The following HS6ST3 variants were observed in gnomAD, a reference collection of about 807,000 sequenced individuals.
HS6ST3 encodes the protein heparan sulfate 6-O-sulfotransferase 3.
HS6ST3 carries 12 observed loss-of-function variants against 36.7 expected under a neutral mutation model. The ratio of observed to expected loss-of-function variants is 0.33; its 90% CI spans 0.21 to 0.53. The LOEUF is 0.53. HS6ST3 is among the 20% of genes least tolerant of loss of function. The probability of loss-of-function intolerance (pLI) is 0.95; values close to 1 mark genes in which losing one functional copy is unlikely to be tolerated. For synonymous variants in HS6ST3, 240 were observed against 257.5 expected, an observed-to-expected ratio of 0.93 and a Z score of 0.65; for missense variants, 584 against 640.9, an observed-to-expected ratio of 0.91 and a Z score of 0.96.
At chr13:96,771,174 A>G (rs1877253346) in intron 1 of HS6ST3, among the ~76,000 whole-genome samples, 1 of 151,640 alleles carries the variant, frequency 6.6e-6, no homozygotes, top group Admixed American at 6.6e-5. Context: ...CGCAAGGCCA[A>G]AAAAACCAAC....
intron 1 of HS6ST3, among the ~76,000 whole-genome samples, chr13:96,676,705 A>C (rs2056699939): frequency 6.6e-6 from 1 of 152,070 alleles, no homozygotes; most frequent in African/African-American, 2.4e-5. Context: ...TAATTTTCTA[A>C]ATTATTTATG....
chr13:96,427,926 A>C (rs774175851), intron 1 of HS6ST3, among the ~76,000 whole-genome samples: 2 of 152,196 alleles, frequency 1.3e-5, no homozygotes, highest in African/African-American at 2.4e-5. Context: ...ATGCCTACTC[A>C]TGGACAGATT....
At chr13:96,373,336 G>A (rs1012010954) in intron 1 of HS6ST3, among the ~76,000 whole-genome samples, 1 of 152,154 alleles carries the variant, frequency 6.6e-6, no homozygotes, top group Admixed American at 6.5e-5. Flanking sequence ...CTATCTTCCT[G>A]AAATTGAAGT....
rs115633268 is a variant in HS6ST3, at chr13:96,587,867, A to T, written c.708-244623A>T. Among the ~76,000 whole-genome samples the T allele has an allele frequency of 5.8e-3, 884 of 152,224 alleles. 5 individuals carry two copies. The highest frequency in any genetic ancestry group is 0.02 in the African/African-American group (837 of 41,534). On this transcript the variant is annotated intron_variant, in intron 1 of 1. Transcript: ENST00000376705. Reference sequence around the variant, plus strand: ...TTGTATGGACAATGTAACAATATTAATTTTTCTAAGCTATGAACACAGGAT... The same window carrying T: ...TTGTATGGACAATGTAACAATATTATTTTTTCTAAGCTATGAACACAGGAT...
intron 1 of HS6ST3, among the ~76,000 whole-genome samples, chr13:96,763,885 C>A (rs577133859): frequency 6.6e-6 from 1 of 152,168 alleles, no homozygotes; most frequent in Non-Finnish European, 1.5e-5. Flanking sequence ...CATATTGCAA[C>A]AATCTGTTTT....
At chr13:96,489,720 C>T (rs2055935395) in intron 1 of HS6ST3, among the ~76,000 whole-genome samples, 1 of 152,066 alleles carries the variant, frequency 6.6e-6, no homozygotes, top group African/African-American at 2.4e-5. Context: ...CTGGAGTAAG[C>T]ATTTCACATT....
chr13:96,611,310 A>G (rs2072319073), intron 1 of HS6ST3, among the ~76,000 whole-genome samples: 1 of 151,952 alleles, frequency 6.6e-6, no homozygotes, highest in African/African-American at 2.4e-5. Context: ...TATTTGATGA[A>G]ATAAAAATAA....
chr13:96,666,604 T>A (rs2138428180), intron 1 of HS6ST3, among the ~76,000 whole-genome samples: 1 of 152,282 alleles, frequency 6.6e-6, no homozygotes, highest in Non-Finnish European at 1.5e-5. Context: ...TGATACTTCA[T>A]TTAGCATATT....
At chr13:96,317,729 T>TA (rs1193041870) in intron 1 of HS6ST3, among the ~76,000 whole-genome samples, 1 of 151,672 alleles carries the variant, frequency 6.6e-6, no homozygotes. Context: ...CATCTGTTTT[T>TA]TTTTTTTACT....
intron 1 of HS6ST3, among the ~76,000 whole-genome samples, chr13:96,333,828 C>T (rs1173272162): frequency 3.9e-5 from 6 of 152,100 alleles, no homozygotes; most frequent in Non-Finnish European, 7.4e-5. Context: ...CCAAAGCTTC[C>T]AGGCAGGACC....
chr13:96,601,071 T>A (rs1283416748), intron 1 of HS6ST3, among the ~76,000 whole-genome samples: 1 of 152,156 alleles, frequency 6.6e-6, no homozygotes, highest in Non-Finnish European at 1.5e-5. Flanking sequence ...AGTTATCCAA[T>A]GCTTTTGTCT....
At chr13:96,165,040 A>AT (rs1342778529) in intron 1 of HS6ST3, among the ~76,000 whole-genome samples, 2 of 152,144 alleles carry the variant, frequency 1.3e-5, no homozygotes, top group African/African-American at 2.4e-5. Context: ...GCCTCACCTG[A>AT]TTTTTTGTCT....
At chr13:96,609,283 A>ACC (rs2056449526) in intron 1 of HS6ST3, among the ~76,000 whole-genome samples, 1 of 152,046 alleles carries the variant, frequency 6.6e-6, no homozygotes, top group Non-Finnish European at 1.5e-5. Context: ...TTTATTTTAA[A>ACC]ATAAAAAGAA....
chr13:96,192,610 A>G (rs2054293634), intron 1 of HS6ST3, among the ~76,000 whole-genome samples: 1 of 151,824 alleles, frequency 6.6e-6, no homozygotes, highest in Non-Finnish European at 1.5e-5. Context: ...GGATATATAT[A>G]TATATATATA....
intron 1 of HS6ST3, among the ~76,000 whole-genome samples, chr13:96,567,817 T>G (rs2056287050): frequency 6.6e-6 from 1 of 152,088 alleles, no homozygotes; most frequent in African/African-American, 2.4e-5. Context: ...CCAGAACAAA[T>G]GAGCATTTCT....
chr13:96,692,608 C>T (rs1246685078), intron 1 of HS6ST3, among the ~76,000 whole-genome samples: 1 of 152,130 alleles, frequency 6.6e-6, no homozygotes, highest in African/African-American at 2.4e-5. Flanking sequence ...AATTAAACTA[C>T]ACTAAGATTC....
chr13:96,339,783 C>T (rs1194765085), intron 1 of HS6ST3, among the ~76,000 whole-genome samples: 3 of 152,220 alleles, frequency 2.0e-5, no homozygotes, highest in Admixed American at 1.3e-4. Context: ...TGGAAAGAGG[C>T]TCTTGATCCT....
intron 1 of HS6ST3, among the ~76,000 whole-genome samples, chr13:96,764,585 G>A (rs1405932633): frequency 6.6e-6 from 1 of 152,186 alleles, no homozygotes; most frequent in African/African-American, 2.4e-5. Context: ...GGTCTTCGAA[G>A]TCTTTCCAGC....
In HS6ST3 at chr13:96,833,131, C is replaced by T; in HGVS notation, c.1349C>T (p.Pro450Leu). 1 of 1,600,858 alleles carries T rather than the reference C, an allele frequency of 6.2e-7. No homozygotes were observed. The highest frequency in any genetic ancestry group is 8.5e-7 in the Non-Finnish European group (1 of 1,179,346). The change falls in exon 2 of 2, where the codon CCC (proline) becomes CTC (leucine). Residue 450 changes from proline to leucine, a missense_variant. Pro to Leu is a moderately conservative substitution (Grantham distance 98). Around this residue, in one of 3 missense-constraint regions of HS6ST3, gnomAD observed 360 missense variants for 411.3 expected, o/e 0.88. Coordinates refer to ENST00000376705, the MANE Select transcript of HS6ST3 (RefSeq NM_153456.4). The part of the protein sequence containing the change: ...LQREHRDHQW[P>L]KEDGAAEGTV... ...CGAGAGCACAGGGACCACCAGTGGC[C>T]CAAAGAAGATGGGGCTGCAGAAGGG...
Sources: allele counts gnomAD v4.1 joint callset (sites outside exome capture counted in the v4.1 genomes callset), GRCh38; gene constraint gnomAD v4.1.1; regional missense constraint gnomAD v4.1.1; transcripts MANE v1.5; gene names NCBI Gene and HGNC (gene_info 2026-07-23, HGNC 2026-07-21).